ACBD6: variants seen among roughly 807,000 people sequenced by gnomAD.
ACBD6 encodes acyl-CoA-binding domain-containing protein 6.
A neutral mutation model predicts 37.2 loss-of-function variants in ACBD6; 28 were observed. The observed-to-expected ratio is 0.75, with a 90% CI of 0.56 to 1.03. The LOEUF (loss-of-function observed/expected upper bound fraction) is 1.03. ACBD6 is among the 50% of genes least tolerant of loss of function. The pLI, the probability that ACBD6 is intolerant of heterozygous loss-of-function variation, is 0.00. For missense variants in ACBD6, 340 were observed against 337.4 expected (o/e 1.01, Z -0.06); for synonymous variants, 113 against 126.8 (o/e 0.89, Z 0.73).
chr1:180,281,840 G>C (rs1649324097), intron 8 of ACBD6, among the ~76,000 whole-genome samples: 1 of 152,170 alleles, frequency 6.6e-6, no homozygotes, highest in Non-Finnish European at 1.5e-5. Context: ...CTTCTAAAAG[G>C]AGTAATACAA....
At chr1:180,493,268 AAAAAAAAAAACAAC>A (rs1280655501) in intron 2 of ACBD6, among the ~76,000 whole-genome samples, 60 of 133,078 alleles carry the variant, frequency 4.5e-4, no homozygotes, top group African/African-American at 1.9e-3. Flanking sequence ...AAAAAAAAAA[AAAAAAAAAAACAAC>A]AACAGCAACT....
At chr1:180,450,467 T>C (rs1017377388) in intron 3 of ACBD6, among the ~76,000 whole-genome samples, 2 of 152,202 alleles carry the variant, frequency 1.3e-5, no homozygotes, top group South Asian at 4.1e-4. Flanking sequence ...TTAAAACTTC[T>C]GAAAGACTCG....
chr1:180,363,685 TAAGCAG>T (rs1652928387), intron 6 of ACBD6, among the ~76,000 whole-genome samples: 7 of 151,916 alleles, frequency 4.6e-5, no homozygotes, highest in Admixed American at 1.3e-4. Context: ...CCAATCAGAG[TAAGCAG>T]GAGCAGGAGC....
At chr1:180,495,882 A>G (rs913972970) in intron 1 of ACBD6, among the ~76,000 whole-genome samples, 4 of 152,228 alleles carry the variant, frequency 2.6e-5, no homozygotes, top group Non-Finnish European at 5.9e-5. Context: ...AATTTTTAAT[A>G]TGAAATTAAT....
At chr1:180,366,192 C>A (rs1558268192) in intron 6 of ACBD6, among the ~76,000 whole-genome samples, 1 of 152,142 alleles carries the variant, frequency 6.6e-6, no homozygotes, top group Non-Finnish European at 1.5e-5. Context: ...TCTTTTAAGG[C>A]AGATGATTAA....
intron 3 of ACBD6, among the ~76,000 whole-genome samples, chr1:180,436,714 C>A (rs529172537): frequency 6.6e-6 from 1 of 152,266 alleles, no homozygotes; most frequent in East Asian, 1.9e-4. Context: ...ATTTTAGAGT[C>A]TTCCATTTTG....
intron 3 of ACBD6, among the ~76,000 whole-genome samples, chr1:180,474,727 A>G (rs915790698): frequency 6.6e-6 from 1 of 152,252 alleles, no homozygotes; most frequent in Admixed American, 6.5e-5. Flanking sequence ...GAAATAATAC[A>G]TTCATTAAGT....
intron 7 of ACBD6, among the ~76,000 whole-genome samples, chr1:180,291,672 C>G (rs894350327): frequency 6.6e-6 from 1 of 151,506 alleles, no homozygotes. Flanking sequence ...TTAAGAGTAT[C>G]TTGAAGAGTG....
At chr1:180,318,480 G>T (rs1232905976) in intron 6 of ACBD6, among the ~76,000 whole-genome samples, 1 of 151,992 alleles carries the variant, frequency 6.6e-6, no homozygotes, top group Non-Finnish European at 1.5e-5. Context: ...TTTAAGGGGG[G>T]TTTTATCTTT....
chr1:180,429,818 TGA>T (rs1008695734), intron 4 of ACBD6, among the ~76,000 whole-genome samples: 3 of 152,142 alleles, frequency 2.0e-5, no homozygotes, highest in African/African-American at 7.2e-5. Flanking sequence ...AGCTTTAGAT[TGA>T]GACACAACAT....
chr1:180,411,079 T>C (rs1056344296), intron 5 of ACBD6, among the ~76,000 whole-genome samples: 1 of 152,212 alleles, frequency 6.6e-6, no homozygotes, highest in African/African-American at 2.4e-5. Flanking sequence ...CAGATGTAAC[T>C]GCAAGAGAAC....
At chr1:180,473,828 C>T (rs1450893469) in intron 3 of ACBD6, among the ~76,000 whole-genome samples, 1 of 152,036 alleles carries the variant, frequency 6.6e-6, no homozygotes, top group Admixed American at 6.5e-5. Flanking sequence ...TGCACATATA[C>T]ACACACACAT....
intron 3 of ACBD6, among the ~76,000 whole-genome samples, chr1:180,460,305 G>A (rs753991436): frequency 6.6e-5 from 10 of 152,148 alleles, no homozygotes; most frequent in Non-Finnish European, 1.2e-4. Context: ...CGTAGGGGCA[G>A]GCTGCCATCT....
intron 2 of ACBD6, among the ~76,000 whole-genome samples, chr1:180,493,646 A>C (rs2102093829): frequency 6.6e-6 from 1 of 152,320 alleles, no homozygotes; most frequent in Admixed American, 6.5e-5. Context: ...AGCTTACACA[A>C]ACTCAGGAAA....
intron 4 of ACBD6, among the ~76,000 whole-genome samples, chr1:180,419,873 C>T (rs997191148): frequency 4.6e-5 from 7 of 152,102 alleles, no homozygotes; most frequent in African/African-American, 1.7e-4. Flanking sequence ...GCAGGTGAGG[C>T]AGGCACACTC....
intron 6 of ACBD6, among the ~76,000 whole-genome samples, chr1:180,337,504 C>T (rs376673123): frequency 6.6e-6 from 1 of 152,140 alleles, no homozygotes; most frequent in African/African-American, 2.4e-5. Context: ...GGATGTATCT[C>T]AAAATAATAA....
chr1:180,441,927 A>G (rs1649296348), intron 3 of ACBD6, among the ~76,000 whole-genome samples: 1 of 152,150 alleles, frequency 6.6e-6, no homozygotes, highest in South Asian at 2.1e-4. Context: ...GTTGAACAGG[A>G]GTGGTGAAAG....
intron 4 of ACBD6, among the ~76,000 whole-genome samples, chr1:180,422,416 C>T (rs373412858): frequency 5.3e-5 from 8 of 152,036 alleles, no homozygotes; most frequent in African/African-American, 1.7e-4. Flanking sequence ...ATGTTGGCCA[C>T]GCTGGTCTCG....
chr1:180,313,613 G>A (rs1343071123), intron 7 of ACBD6, among the ~76,000 whole-genome samples: 2 of 152,204 alleles, frequency 1.3e-5, no homozygotes, highest in African/African-American at 2.4e-5. Flanking sequence ...TGCCAAGACT[G>A]GCAAGTGTAT....
Sources: gnomAD v4.1 joint callset for allele counts (sites outside exome capture counted in the v4.1 genomes callset) on GRCh38, gnomAD v4.1.1 for gene constraint, MANE v1.5 for transcripts, NCBI Gene and HGNC (gene_info 2026-07-23, HGNC 2026-07-21) for gene names.